Variants in TENM3 observed in about 807,000 individuals in gnomAD.
TENM3 encodes teneurin-3.
Under a neutral mutation model 255.1 loss-of-function variants are expected in TENM3, and 63 were observed. That is an observed-to-expected ratio of 0.25 (90% CI 0.20 to 0.30). The LOEUF (loss-of-function observed/expected upper bound fraction) is 0.30. TENM3 is among the 10% of genes least tolerant of loss of function. The pLI is 1.00. For missense variants in TENM3, 2,929 were observed against 3,461.1 expected (o/e 0.85, Z 3.86); for synonymous variants, 1,306 against 1,322.3 (o/e 0.99, Z 0.27).
Position 182,641,718 on chromosome 4 carries a change from C to T in TENM3, c.989-12053C>T, listed in dbSNP as rs374708228. On this transcript the variant is annotated intron_variant, in intron 5 of 27. Transcript: ENST00000511685. Reference sequence around the variant, plus strand: ...ATTTTTGTGATTGTAGCAGAGGCGGCGTTTTGCCATGTTGGTCAAGCTGGT... The same window carrying T: ...ATTTTTGTGATTGTAGCAGAGGCGGTGTTTTGCCATGTTGGTCAAGCTGGT... Among the ~76,000 whole-genome samples the T allele has an allele frequency of 1.9e-4, 29 of 152,158 alleles. 2 individuals are homozygous for T. Among genetic ancestry groups the T allele is most frequent in the Admixed American group, 1.4e-3 (21 of 15,276 alleles).
At chr4:181,779,380 A>G in the TENM3 span, among the ~76,000 whole-genome samples, 2 of 151,916 alleles carry the variant, frequency 1.3e-5, no homozygotes, top group African/African-American at 4.8e-5. Context: ...CTAAACAAGA[A>G]CTACATAAGG....
At chr4:181,678,841 C>CAAA in the TENM3 span, among the ~76,000 whole-genome samples, 64 of 102,866 alleles carry the variant, frequency 6.2e-4, no homozygotes, top group Middle Eastern at 0.016. Context: ...ATGTTTTAAA[C>CAAA]AAAAAAAAAA....
the TENM3 span, among the ~76,000 whole-genome samples, chr4:181,919,156 G>T: frequency 6.6e-6 from 1 of 152,180 alleles, no homozygotes; most frequent in African/African-American, 2.4e-5. Context: ...AGGCAGGGGA[G>T]TGTTTCCTTG....
the TENM3 span, among the ~76,000 whole-genome samples, chr4:181,836,995 A>G: frequency 6.8e-6 from 1 of 146,626 alleles, no homozygotes; most frequent in Non-Finnish European, 1.5e-5. Flanking sequence ...TTAAGAACTA[A>G]ATTGTTGATG....
chr4:182,002,422 A>G, the TENM3 span, among the ~76,000 whole-genome samples: 1 of 152,004 alleles, frequency 6.6e-6, no homozygotes, highest in African/African-American at 2.4e-5. Context: ...CAGTTGAATT[A>G]AATCTAACCT....
chr4:182,166,987 A>G (rs1751764637), intron 1 of TENM3, among the ~76,000 whole-genome samples: 1 of 152,204 alleles, frequency 6.6e-6, no homozygotes, highest in African/African-American at 2.4e-5. Flanking sequence ...TTGGGTTTAA[A>G]ATGAGATTAT....
the TENM3 span, among the ~76,000 whole-genome samples, chr4:181,846,717 C>A: frequency 6.6e-6 from 1 of 151,988 alleles, no homozygotes; most frequent in East Asian, 1.9e-4. Context: ...TATTAATTGA[C>A]CACTGTGTGT....
rs112033623 is a variant in TENM3, at chr4:182,217,459, A to G, written c.-76+72705A>G. Among the ~76,000 whole-genome samples the G allele has an allele frequency of 8.5e-4, 129 of 152,326 alleles. 1 individual carries two copies. Among genetic ancestry groups the G allele is most frequent in the African/African-American group, 3.0e-3 (123 of 41,578 alleles). Reference sequence around the variant, plus strand: ...TGTTTCTGAGTGTTTCTAAAGAAAAATACTGAATGAACCCCTCGCCTAACC... The same window carrying G: ...TGTTTCTGAGTGTTTCTAAAGAAAAGTACTGAATGAACCCCTCGCCTAACC... On this transcript the variant is annotated intron_variant, in intron 1 of 2. Coordinates refer to the TENM3 transcript ENST00000512480.
intron 22 of TENM3, among the ~76,000 whole-genome samples, chr4:182,764,697 AGGAGGGAGATAAGATGAAACCAG>A (rs1554032913): frequency 6.6e-6 from 1 of 152,136 alleles, no homozygotes; most frequent in Non-Finnish European, 1.5e-5. Context: ...GTGTGTGGGG[AGGAGGGAGATAAGATGAAACCAG>A]GGAGGGAGAT....
intron 3 of TENM3, among the ~76,000 whole-genome samples, chr4:182,413,869 A>T (rs549228042): frequency 6.6e-6 from 1 of 152,066 alleles, no homozygotes; most frequent in Non-Finnish European, 1.5e-5. Context: ...CCTATCTTAG[A>T]AGACCTTTCA....
chr4:181,581,805 T>C, the TENM3 span, among the ~76,000 whole-genome samples: 1 of 151,422 alleles, frequency 6.6e-6, no homozygotes, highest in Non-Finnish European at 1.5e-5. Flanking sequence ...CCATCTCGGC[T>C]CACTGCAACC....
intron 6 of TENM3, among the ~76,000 whole-genome samples, chr4:182,660,030 C>T (rs770328843): frequency 6.6e-6 from 1 of 152,182 alleles, no homozygotes; most frequent in Non-Finnish European, 1.5e-5. Flanking sequence ...TAATTTACTT[C>T]ATAGAATGGT....
intron 6 of TENM3, among the ~76,000 whole-genome samples, chr4:182,665,291 A>G (rs1369921152): frequency 6.6e-6 from 1 of 152,214 alleles, no homozygotes; most frequent in East Asian, 1.9e-4. Flanking sequence ...ATCTGTTTAC[A>G]ACGTGGCTAC....
chr4:182,013,816 A>G, the TENM3 span, among the ~76,000 whole-genome samples: 12 of 151,704 alleles, frequency 7.9e-5, no homozygotes, highest in African/African-American at 2.2e-4. Flanking sequence ...TCTATATAAT[A>G]TATAGAGAAC....
chr4:182,278,665 CA>C (rs532591080), intron 1 of TENM3, among the ~76,000 whole-genome samples: 13,335 of 92,994 alleles, frequency 0.14, 1,491 homozygotes, highest in African/African-American at 0.36. Context: ...CCCCAGTGTG[CA>C]AAAAAAAAAA....
the TENM3 span, among the ~76,000 whole-genome samples, chr4:182,091,698 G>A: frequency 7.9e-5 from 12 of 152,192 alleles, no homozygotes; most frequent in African/African-American, 2.9e-4. Context: ...ATGGGTGGTT[G>A]CTAACAGGAT....
the TENM3 span, among the ~76,000 whole-genome samples, chr4:182,127,538 G>A: frequency 3.9e-5 from 6 of 152,154 alleles, no homozygotes; most frequent in African/African-American, 9.7e-5. Context: ...GAACTTGCCT[G>A]TATATCACTG....
intron 3 of TENM3, among the ~76,000 whole-genome samples, chr4:182,367,390 G>T (rs937733875): frequency 3.9e-5 from 6 of 152,144 alleles, no homozygotes; most frequent in Non-Finnish European, 8.8e-5. Context: ...CTGTCTCTGT[G>T]GGTAGTGTCT....
At chr4:182,512,707 C>T (rs554448876) in intron 3 of TENM3, among the ~76,000 whole-genome samples, 3 of 152,218 alleles carry the variant, frequency 2.0e-5, no homozygotes, top group African/African-American at 7.2e-5. Context: ...TCCAGATAGT[C>T]GTGACCTGGT....
Sources: gnomAD v4.1 joint callset for allele counts (sites outside exome capture counted in the v4.1 genomes callset) on GRCh38, gnomAD v4.1.1 for gene constraint, MANE v1.5 for transcripts, NCBI Gene and HGNC (gene_info 2026-07-23, HGNC 2026-07-21) for gene names.